CCDC125: variants seen among roughly 807,000 people sequenced by gnomAD.
The protein encoded by CCDC125 is coiled-coil domain-containing protein 125.
Under a neutral mutation model 57.4 loss-of-function variants are expected in CCDC125, and 43 were observed. The observed-to-expected ratio is 0.75, with a 90% confidence interval of 0.59 to 0.97. CCDC125 has a LOEUF of 0.97. CCDC125 is among the 50% of genes least tolerant of loss of function. The pLI is 0.00. For missense variants in CCDC125, 563 were observed against 595.7 expected, an observed-to-expected ratio of 0.95 and a Z score of 0.57; for synonymous variants, 187 against 195.2, an observed-to-expected ratio of 0.96 and a Z score of 0.35.
At chr5:69,311,308 A>C (rs1381661208) in intron 3 of CCDC125, 104 bp from the exon 4 acceptor site, 1 of 623,224 alleles carries the variant, frequency 1.6e-6, no homozygotes, top group Admixed American at 3.2e-5. Context: ...CCACTTACAA[A>C]TGTGGCTGAA....
At chr5:69,290,629 C>CTTTT (rs373663120) in intron 10 of CCDC125, among the ~76,000 whole-genome samples, 2 of 117,776 alleles carry the variant, frequency 1.7e-5, no homozygotes, top group African/African-American at 6.6e-5. Context: ...TCTTTTTTTT[C>CTTTT]TTTTTTTTTT....
At chr5:69,328,954 C>T (rs62371691) in intron 1 of CCDC125, among the ~76,000 whole-genome samples, 9,103 of 137,700 alleles carry the variant, frequency 0.066, 328 homozygotes, top group Non-Finnish European at 0.1. Context: ...CCACCACGCC[C>T]GGCTAATTTT....
the CCDC125 span, chr5:69,273,091 C>T: frequency 8.3e-7 from 1 of 1,205,100 alleles, no homozygotes; most frequent in Non-Finnish European, 1.1e-6. Context: ...ATAATCTTAA[C>T]TGTAGCATTG....
intron 5 of CCDC125, among the ~76,000 whole-genome samples, chr5:69,307,465 A>G (rs1266914568): frequency 6.6e-6 from 1 of 152,044 alleles, no homozygotes. Context: ...GGTGGATTAC[A>G]AGGTCAGGAG....
intron 8 of CCDC125, 89 bp downstream of exon 8, chr5:69,299,923 A>G (rs1339363594): frequency 9.6e-6 from 10 of 1,040,306 alleles, no homozygotes; most frequent in Admixed American, 1.7e-5. Flanking sequence ...AGTATGTGCT[A>G]TCCTACAATG....
chr5:69,309,778 A>G (rs1294487955), intron 4 of CCDC125: 1 of 152,446 alleles, frequency 6.6e-6, no homozygotes, highest in Non-Finnish European at 1.5e-5. Context: ...CAGACACTCA[A>G]TGCCAGCCTG....
At chr5:69,313,347 T>G in intron 3 of CCDC125, 2 of 1,141,356 alleles carry the variant, frequency 1.8e-6, no homozygotes, top group Non-Finnish European at 2.6e-6. Flanking sequence ...TGCCAGATGC[T>G]CTAGGCAGGT....
At position 69,285,607 on chromosome 5, in the gene CCDC125, A is replaced by AAG. The variant is rs535136139; in HGVS notation, c.1100-141_1100-140insCT. On this transcript the variant is annotated intron_variant, in intron 10 of 11. Coordinates refer to ENST00000396496, the MANE Select transcript of CCDC125 (RefSeq NM_176816.5). ...ATGTAGTGAGCAGAGCACAGCCTTC[A>AAG]GAGCCAGGAGCAATGCAGGTGAGAG... is the stretch of plus-strand genomic sequence containing the variant. 3.3e-4 allele frequency: 271 copies of AAG among 809,896 alleles called. 1 individual carries two copies. In the African/African-American group the frequency reaches 4.3e-3, roughly 13 times the overall value. The allele number at this position is 809,896 out of a possible 1,614,324, so 50.2% of individuals were successfully genotyped here.
chr5:69,307,935 T>C lies in CCDC125; in HGVS notation c.531+16A>G. 6.3e-7 allele frequency: 1 copy of C among 1,598,452 alleles called. No homozygotes were observed. On this transcript the variant is annotated intron_variant, in intron 5 of 11. Transcript: ENST00000396496. ...CTTATTGGATTCAATAAGTCTACAC[T>C]AAAAGCACCAAATACCTTCTCCAAG...
intron 10 of CCDC125, among the ~76,000 whole-genome samples, chr5:69,291,487 TG>T (rs1754453143): frequency 6.6e-6 from 1 of 152,048 alleles, no homozygotes; most frequent in South Asian, 2.1e-4. Context: ...CCTGAGCAGG[TG>T]GTATTACAGG....
chr5:69,308,134 T>C, intron 4 of CCDC125, 106 bp from the exon 5 acceptor site: 1 of 808,820 alleles, frequency 1.2e-6, no homozygotes, highest in Non-Finnish European at 2.1e-6. Context: ...TAAGATGAAT[T>C]GACATAAGAA....
intron 10 of CCDC125, among the ~76,000 whole-genome samples, chr5:69,290,710 A>G (rs994847371): frequency 7.0e-6 from 1 of 141,922 alleles, no homozygotes; most frequent in African/African-American, 2.7e-5. Context: ...GCTCACTGCA[A>G]CCTCCACTTC....
chr5:69,285,132 C>A (rs1179389226), intron 11 of CCDC125, among the ~76,000 whole-genome samples: 1 of 151,378 alleles, frequency 6.6e-6, no homozygotes, highest in African/African-American at 2.4e-5. Context: ...ACAAACAAAA[C>A]AAAAAAATAC....
chr5:69,298,459 A>G (rs183095174), intron 8 of CCDC125, among the ~76,000 whole-genome samples: 89 of 152,372 alleles, frequency 5.8e-4, no homozygotes, highest in African/African-American at 2.1e-3. Flanking sequence ...ACCGTGAAGC[A>G]CGGAGTGAGC....
At chr5:69,273,573 A>G in the CCDC125 span, among the ~76,000 whole-genome samples, 3 of 152,178 alleles carry the variant, frequency 2.0e-5, no homozygotes, top group African/African-American at 4.8e-5. Context: ...AATATTTGAA[A>G]TAAAACAAAA....
chr5:69,328,032 C>T (rs1234333624), intron 1 of CCDC125, among the ~76,000 whole-genome samples: 2 of 152,094 alleles, frequency 1.3e-5, no homozygotes, highest in East Asian at 3.9e-4. Context: ...AGGTAACTGG[C>T]ATTATAGGCA....
intron 11 of CCDC125, among the ~76,000 whole-genome samples, chr5:69,283,587 G>A (rs775501191): frequency 6.6e-6 from 1 of 150,738 alleles, no homozygotes; most frequent in Non-Finnish European, 1.5e-5. Flanking sequence ...ATGCCATCTT[G>A]GCTCACTGCA....
At chr5:69,325,239 T>C (rs1760575370) in intron 1 of CCDC125, among the ~76,000 whole-genome samples, 1 of 146,940 alleles carries the variant, frequency 6.8e-6, no homozygotes, top group African/African-American at 2.5e-5. Context: ...GGCAGGAGAA[T>C]GGCTTGAACC....
intron 2 of CCDC125, among the ~76,000 whole-genome samples, chr5:69,315,446 AAAACAAAAAAAAAAAC>A (rs869310926): frequency 0.76 from 67,827 of 89,550 alleles, 26,722 homozygotes; most frequent in Non-Finnish European, 0.86. Context: ...TCAAAAAAAA[AAAACAAAAAAAAAAAC>A]AAAAAAAAAA....
Sources: allele counts gnomAD v4.1 joint callset (sites outside exome capture counted in the v4.1 genomes callset), GRCh38; gene constraint gnomAD v4.1.1; transcripts MANE v1.5; gene names NCBI Gene and HGNC (gene_info 2026-07-23, HGNC 2026-07-21).